ENPP3: variants seen among roughly 807,000 people sequenced by gnomAD.
ENPP3 encodes the protein ectonucleotide pyrophosphatase/phosphodiesterase 3, also known as ectonucleotide pyrophosphatase/phosphodiesterase family member 3.
A neutral mutation model predicts 117.8 loss-of-function variants in ENPP3; 104 were observed. The ratio of observed to expected loss-of-function variants is 0.88; its 90% CI spans 0.75 to 1.04. The LOEUF (loss-of-function observed/expected upper bound fraction) is 1.04. Ranked by LOEUF, ENPP3 falls within the 50% of genes least tolerant of loss-of-function variation. ENPP3 has a pLI of 0.00. For missense variants in ENPP3, 1,026 were observed against 1,051.9 expected (o/e 0.98, Z 0.34); for synonymous variants, 380 against 349.9 (o/e 1.09, Z -0.96).
rs187546266 is a variant in ENPP3 at position 131,683,492 on chromosome 6, G to C, written c.1120+330G>C. On this transcript the variant is annotated intron_variant, in intron 12 of 24. Coordinates refer to ENST00000357639, the MANE Select transcript of ENPP3 (RefSeq NM_005021.5). ...TTTCCAGCCATGATTCGTTTATGTAGATTGGCTGCAGTTTACTGTAATTGG... is the reference window on the plus strand; with the variant it reads ...TTTCCAGCCATGATTCGTTTATGTACATTGGCTGCAGTTTACTGTAATTGG... 2.6e-5 allele frequency among the ~76,000 whole-genome samples: 4 copies of C among 152,258 alleles called. No individual in the cohort carries two copies. In the East Asian group the frequency reaches 5.8e-4, roughly 22 times the overall value.
chr6:131,739,829 G>A (rs944460966), intron 23 of ENPP3, among the ~76,000 whole-genome samples: 3 of 151,422 alleles, frequency 2.0e-5, no homozygotes, highest in Non-Finnish European at 4.4e-5. Flanking sequence ...CCAACACGTT[G>A]AGAGGCCGAG....
intron 12 of ENPP3, among the ~76,000 whole-genome samples, chr6:131,684,953 G>A (rs940436034): frequency 4.6e-5 from 7 of 151,932 alleles, no homozygotes; most frequent in African/African-American, 1.2e-4. Flanking sequence ...CCTGGCTAAC[G>A]TTTGTATTTT....
intron 6 of ENPP3, among the ~76,000 whole-genome samples, chr6:131,670,034 C>T (rs1392511520): frequency 6.6e-6 from 1 of 152,198 alleles, no homozygotes; most frequent in Non-Finnish European, 1.5e-5. Context: ...GCAATGTGCC[C>T]TAGTGGTTCT....
chr6:131,736,119 T>C (rs964104202), intron 21 of ENPP3, among the ~76,000 whole-genome samples: 1 of 152,094 alleles, frequency 6.6e-6, no homozygotes, highest in African/African-American at 2.4e-5. Context: ...GCCCGAGGAG[T>C]GCAGCTGTGA....
intron 24 of ENPP3, among the ~76,000 whole-genome samples, chr6:131,746,538 TA>T (rs1219998177): frequency 2.0e-5 from 3 of 152,140 alleles, no homozygotes; most frequent in Admixed American, 6.6e-5. Flanking sequence ...TTAATTTCAT[TA>T]AAAAAATTAC....
chr6:131,745,225 A>G (rs1780611332), intron 24 of ENPP3, among the ~76,000 whole-genome samples: 1 of 152,136 alleles, frequency 6.6e-6, no homozygotes, highest in South Asian at 2.1e-4. Flanking sequence ...AAAACTTCTA[A>G]TTAGATTCCC....
chr6:131,653,130 T>A (rs2114319216), intron 5 of ENPP3, among the ~76,000 whole-genome samples: 1 of 152,230 alleles, frequency 6.6e-6, no homozygotes, highest in Non-Finnish European at 1.5e-5. Context: ...ACGACGACTT[T>A]ATTTTGTTTT....
chr6:131,671,026 A>G (rs1453809935), intron 6 of ENPP3, among the ~76,000 whole-genome samples: 1 of 152,192 alleles, frequency 6.6e-6, no homozygotes, highest in Non-Finnish European at 1.5e-5. Flanking sequence ...CTCTTCCAGA[A>G]AAAAATCTAT....
rs145674701 is a variant in ENPP3 at position 131,737,413 on chromosome 6, T to G, written c.2148T>G (p.Pro716=). Residue 716 remains proline (P), a synonymous_variant, in exon 22 of 25, where the codon CCT becomes CCG. Transcript: ENST00000357639. ...CTTTAATTACTAGCAATTTGGTACC[T>G]ATGTATGAAGAATTCAGAAGTAAGT... The part of the protein sequence containing the change: ...YDALITSNLV[P]MYEEFRKMWD... 1.3e-6 allele frequency: 2 copies of G among 1,587,032 alleles called. No homozygotes were observed. The highest frequency in any genetic ancestry group is 8.6e-7 in the Non-Finnish European group (1 of 1,156,716).
Position 131,706,615 on chromosome 6 carries a change from C to T in ENPP3, c.1413-12057C>T, listed in dbSNP as rs552402275. On this transcript the variant is annotated intron_variant, in intron 15 of 24. Coordinates refer to ENST00000357639, the MANE Select transcript of ENPP3 (RefSeq NM_005021.5). Reference sequence around the variant, plus strand: ...TTTTATCAAGTGGATGAAGTTTCCTCTATTCCTGCTTTATAGAGAGCTTTT... The same window carrying T: ...TTTTATCAAGTGGATGAAGTTTCCTTTATTCCTGCTTTATAGAGAGCTTTT... 3.2e-3 allele frequency among the ~76,000 whole-genome samples: 489 copies of T among 150,664 alleles called. 4 individuals carry two copies. The highest frequency in any genetic ancestry group is 0.011 in the African/African-American group (457 of 40,412).
chr6:131,644,920 T>A (rs1197810803), intron 2 of ENPP3, among the ~76,000 whole-genome samples: 3 of 152,176 alleles, frequency 2.0e-5, no homozygotes, highest in Non-Finnish European at 4.4e-5. Flanking sequence ...AAAGGTTTTA[T>A]AAGGGGAGAG....
chr6:131,697,174 C>T (rs1008065235), intron 15 of ENPP3, among the ~76,000 whole-genome samples: 3 of 152,194 alleles, frequency 2.0e-5, no homozygotes, highest in African/African-American at 7.2e-5. Context: ...AGTAGTTCTG[C>T]ATTGCTGGAG....
In ENPP3 at chr6:131,743,824, C is replaced by CAAAATAAAATAAAATAAAATAAAAT. The variant is rs3884395; in HGVS notation, c.2458-2953_2458-2929dup. 1.9e-3 allele frequency among the ~76,000 whole-genome samples: 284 copies of CAAAATAAAATAAAATAAAATAAAAT among 148,336 alleles called. 1 individual carries two copies. The highest frequency in any genetic ancestry group is 6.9e-3 in the African/African-American group (273 of 39,816). Reference sequence around the variant, plus strand: ...TGGGCAACAGAACAAGACTCTGTCTCAAAATAAAATAAAATAAAATAAAAT... The same window carrying CAAAATAAAATAAAATAAAATAAAAT: ...TGGGCAACAGAACAAGACTCTGTCTCAAAATAAAATAAAATAAAATAAAATAAAATAAAATAAAATAAAATAAAAT... On this transcript the variant is annotated intron_variant, in intron 24 of 24. Coordinates refer to ENST00000357639, the MANE Select transcript of ENPP3 (RefSeq NM_005021.5).
chr6:131,654,091 C>G (rs1338832881), intron 5 of ENPP3, among the ~76,000 whole-genome samples: 2 of 149,590 alleles, frequency 1.3e-5, no homozygotes, highest in African/African-American at 4.9e-5. Context: ...TTGGTAGAGG[C>G]AGTTTTTAAA....
At chr6:131,737,222 C>T in intron 21 of ENPP3, 133 bp from the exon 22 acceptor site, 1 of 584,804 alleles carries the variant, frequency 1.7e-6, no homozygotes, top group Non-Finnish European at 2.9e-6. Flanking sequence ...TTAACAACCT[C>T]TGTTAGAAAG....
intron 1 of ENPP3, among the ~76,000 whole-genome samples, chr6:131,640,776 G>A (rs1180135152): frequency 2.0e-5 from 3 of 152,164 alleles, no homozygotes; most frequent in South Asian, 2.1e-4. Context: ...AAAGAGGGCA[G>A]CTAGAAGAAT....
intron 14 of ENPP3, among the ~76,000 whole-genome samples, chr6:131,686,711 T>C (rs779127386): frequency 6.6e-6 from 1 of 152,198 alleles, no homozygotes; most frequent in African/African-American, 2.4e-5. Flanking sequence ...CCCATACTTA[T>C]GTTCACGTGT....
At chr6:131,690,138 T>G (rs1307032299) in intron 14 of ENPP3, among the ~76,000 whole-genome samples, 2 of 152,186 alleles carry the variant, frequency 1.3e-5, no homozygotes, top group African/African-American at 4.8e-5. Flanking sequence ...TTTAAATTAT[T>G]CCATAAACTT....
chr6:131,741,791 CATTGATGTGGAA>C (rs1208259521), intron 24 of ENPP3, among the ~76,000 whole-genome samples: 1 of 152,076 alleles, frequency 6.6e-6, no homozygotes, highest in African/African-American at 2.4e-5. Context: ...TGGAAATGGG[CATTGATGTGGAA>C]AGTCCCATAG....
Sources: allele counts gnomAD v4.1 joint callset (sites outside exome capture counted in the v4.1 genomes callset), GRCh38; gene constraint gnomAD v4.1.1; transcripts MANE v1.5; gene names NCBI Gene and HGNC (gene_info 2026-07-23, HGNC 2026-07-21).